RBFOX1: variants seen among roughly 807,000 people sequenced by gnomAD.
RBFOX1 encodes RNA binding fox-1 homolog 1, also known as RNA binding protein fox-1 homolog 1.
In RBFOX1, 8 loss-of-function variants were observed where a neutral mutation model predicts 57.7. The observed-to-expected ratio is 0.14, with a 90% CI of 0.08 to 0.25. RBFOX1 has a LOEUF of 0.25. RBFOX1 is among the 10% of genes least tolerant of loss of function. The pLI is 1.00. For missense variants in RBFOX1, 611 were observed against 548.5 expected (o/e 1.11, Z -1.14); for synonymous variants, 326 against 222.4 (o/e 1.47, Z -4.15).
intron 2 of RBFOX1, among the ~76,000 whole-genome samples, chr16:6,434,587 C>T (rs951141672): frequency 1.4e-4 from 21 of 152,194 alleles, no homozygotes; most frequent in Non-Finnish European, 2.4e-4. Flanking sequence ...AGAATTCAGT[C>T]TATAAATATA....
At chr16:6,393,158 A>G (rs2092680695) in intron 2 of RBFOX1, among the ~76,000 whole-genome samples, 1 of 152,248 alleles carries the variant, frequency 6.6e-6, no homozygotes, top group Non-Finnish European at 1.5e-5. Context: ...TTTTTGACTA[A>G]TGGAGCTGGT....
intron 11 of RBFOX1, among the ~76,000 whole-genome samples, chr16:7,645,286 C>G (rs576339165): frequency 6.6e-6 from 1 of 152,052 alleles, no homozygotes; most frequent in Non-Finnish European, 1.5e-5. Context: ...TAACTACCAC[C>G]CATAAAAAGT....
chr16:5,336,345 A>G (rs117698997), intron 1 of RBFOX1, among the ~76,000 whole-genome samples: 2,259 of 152,140 alleles, frequency 0.015, 34 homozygotes, highest in Middle Eastern at 0.034. Flanking sequence ...GTTCCTCATT[A>G]TTTCTGTTAC....
At chr16:7,202,566 C>T (rs938881046) in intron 4 of RBFOX1, among the ~76,000 whole-genome samples, 18 of 152,170 alleles carry the variant, frequency 1.2e-4, no homozygotes. Flanking sequence ...AGGAATTGGG[C>T]TGCAGTGGAT....
At chr16:5,246,730 G>C (rs1290135068) in intron 1 of RBFOX1, among the ~76,000 whole-genome samples, 12 of 151,648 alleles carry the variant, frequency 7.9e-5, no homozygotes, top group Non-Finnish European at 1.5e-4. Flanking sequence ...TAGTGCAGGG[G>C]TGTGATCTTG....
intron 3 of RBFOX1, among the ~76,000 whole-genome samples, chr16:6,813,455 CCTT>C (rs1389338478): frequency 1.3e-5 from 2 of 152,074 alleles, no homozygotes; most frequent in African/African-American, 4.8e-5. Context: ...GACCCCAGCT[CCTT>C]CTTAGGTTTT....
At chr16:6,241,024 A>T (rs2097537457) in intron 1 of RBFOX1, among the ~76,000 whole-genome samples, 1 of 152,156 alleles carries the variant, frequency 6.6e-6, no homozygotes, top group Non-Finnish European at 1.5e-5. Context: ...CTTCGCATTC[A>T]TAATAAGGTG....
At chr16:7,183,965 AC>A (rs2083230057) in intron 4 of RBFOX1, among the ~76,000 whole-genome samples, 1 of 152,184 alleles carries the variant, frequency 6.6e-6, no homozygotes, top group Non-Finnish European at 1.5e-5. Flanking sequence ...TGCAATGATG[AC>A]GTCATTAAAG....
chr16:6,504,824 G>A (rs2096047461), intron 2 of RBFOX1, among the ~76,000 whole-genome samples: 1 of 152,136 alleles, frequency 6.6e-6, no homozygotes, highest in Non-Finnish European at 1.5e-5. Context: ...GGGAGGCCGA[G>A]GTGGGTGAAT....
At chr16:5,431,585 G>C (rs930966263) in intron 1 of RBFOX1, among the ~76,000 whole-genome samples, 220 of 152,214 alleles carry the variant, frequency 1.4e-3, no homozygotes, top group African/African-American at 5.2e-3. Context: ...ATGTTGGCCA[G>C]GCTGGTCTCG....
At chr16:5,554,526 T>A (rs2045595375) in intron 2 of RBFOX1, among the ~76,000 whole-genome samples, 1 of 152,062 alleles carries the variant, frequency 6.6e-6, no homozygotes, top group Admixed American at 6.5e-5. Context: ...TGACCATTTT[T>A]ACTTAATTTT....
In RBFOX1 at chr16:6,415,529, C is replaced by G. The variant is rs139628203; in HGVS notation, c.-64+98472C>G. ...CAGCCTGGCCAATATGATGAAATGC[C>G]ATCTCTACTAAAAATACAAAAATTA... On this transcript the variant is annotated intron_variant, in intron 2 of 15. Transcript: ENST00000550418. Among the ~76,000 whole-genome samples, 564 of 151,870 alleles carry G rather than the reference C, an allele frequency of 3.7e-3. 4 individuals are homozygous for G. Among genetic ancestry groups the G allele is most frequent in the African/African-American group, 0.013 (528 of 41,418 alleles).
At chr16:6,151,902 C>G (rs80339069) in intron 1 of RBFOX1, among the ~76,000 whole-genome samples, 1 of 152,132 alleles carries the variant, frequency 6.6e-6, no homozygotes, top group African/African-American at 2.4e-5. Flanking sequence ...AAGAGCATTA[C>G]TAAGATGGTA....
intron 4 of RBFOX1, among the ~76,000 whole-genome samples, chr16:6,001,841 A>G (rs1246091627): frequency 6.6e-6 from 1 of 152,150 alleles, no homozygotes; most frequent in Non-Finnish European, 1.5e-5. Context: ...AAACTGGAAT[A>G]TCCAATGGGA....
chr16:5,491,566 C>T (rs780192094), intron 2 of RBFOX1, among the ~76,000 whole-genome samples: 1 of 152,178 alleles, frequency 6.6e-6, no homozygotes, highest in Admixed American at 6.5e-5. Context: ...ATTCTTACAG[C>T]AATCAAAATA....
chr16:5,555,831 C>T (rs910458709), intron 2 of RBFOX1, among the ~76,000 whole-genome samples: 2 of 151,858 alleles, frequency 1.3e-5, no homozygotes, highest in Admixed American at 1.3e-4. Flanking sequence ...AGACGAGCCT[C>T]ACCAATATGG....
At chr16:7,607,434 A>G (rs959314274) in intron 10 of RBFOX1, 96 bp downstream of exon 10, 1 of 1,091,334 alleles carries the variant, frequency 9.2e-7, no homozygotes, top group South Asian at 1.4e-5. Flanking sequence ...ACCTGAAGCA[A>G]GTGAATTCCT....
At chr16:5,319,421 C>G (rs1452471997) in intron 1 of RBFOX1, among the ~76,000 whole-genome samples, 1 of 152,174 alleles carries the variant, frequency 6.6e-6, no homozygotes, top group Non-Finnish European at 1.5e-5. Context: ...TCCCACTGGT[C>G]TTTTCATTCC....
In RBFOX1 at chr16:5,455,896, G is replaced by A. The variant is rs1023522803; in HGVS notation, c.220-11320G>A. ...ATTAGCCTTTGACTATATCCTTCACGTTGGGGTGGCAATTCAGAGCATTAA... is the reference window on the plus strand; with the variant it reads ...ATTAGCCTTTGACTATATCCTTCACATTGGGGTGGCAATTCAGAGCATTAA... On this transcript the variant is annotated intron_variant, in intron 1 of 2. Coordinates refer to the RBFOX1 transcript ENST00000585867. Among the ~76,000 whole-genome samples the A allele has an allele frequency of 3.3e-5, 5 of 152,134 alleles. No individual in the cohort carries two copies. The South Asian group carries it at 6.2e-4, about 19-fold the overall frequency.
Sources: gnomAD v4.1 joint callset for allele counts (sites outside exome capture counted in the v4.1 genomes callset) on GRCh38, gnomAD v4.1.1 for gene constraint, MANE v1.5 for transcripts, NCBI Gene and HGNC (gene_info 2026-07-23, HGNC 2026-07-21) for gene names.